Variants in NWD2 observed in about 807,000 individuals in gnomAD.
NWD2 encodes NACHT and WD repeat domain-containing protein 2.
NWD2 carries 37 observed loss-of-function variants against 132.7 expected under a neutral mutation model. That is an observed-to-expected ratio of 0.28 (90% confidence interval 0.21 to 0.37). The LOEUF is 0.37. Ranked by LOEUF, NWD2 falls within the 10% of genes least tolerant of loss-of-function variation. The pLI is 1.00. For synonymous variants in NWD2, 705 were observed against 803.0 expected, an observed-to-expected ratio of 0.88 and a Z score of 2.06; for missense variants, 1,592 against 2,122.4, an observed-to-expected ratio of 0.75 and a Z score of 4.91.
At position 37,245,090 on chromosome 4, in the gene NWD2, C is replaced by T; in HGVS notation, c.23C>T (p.Thr8Ile). 2 of 1,546,438 alleles carry T rather than the reference C, an allele frequency of 1.3e-6. No homozygotes were observed. The highest frequency in any genetic ancestry group is 8.7e-7 in the Non-Finnish European group (1 of 1,146,494). The change falls in exon 1 of 7, where the codon ACC becomes ATC. Residue 8 changes from threonine (T) to isoleucine (I), a missense_variant. Physicochemically the swap from Thr to Ile is moderately conservative, Grantham distance 89. Transcript: ENST00000309447. MWPAGAG[T>I]KLPCPRDSAL... ...GCGATGTGGCCGGCCGGCGCGGGCA[C>T]CAAGCTGCCCTGTCCCCGAGACTCT...
chr4:37,333,889 A>G (rs1042373892), intron 2 of NWD2, among the ~76,000 whole-genome samples: 6 of 152,104 alleles, frequency 3.9e-5, no homozygotes, highest in African/African-American at 1.4e-4. Flanking sequence ...AATTTGAAAA[A>G]AGCAGAAATT....
chr4:37,272,622 T>G (rs1341620390), intron 1 of NWD2, among the ~76,000 whole-genome samples: 1 of 151,846 alleles, frequency 6.6e-6, no homozygotes, highest in Non-Finnish European at 1.5e-5. Context: ...TGGCATGCCC[T>G]CTATTACTGA....
At position 37,439,986 on chromosome 4, in the gene NWD2, C is replaced by T. The variant is rs780599687; in HGVS notation, c.1296+596C>T. On this transcript the variant is annotated intron_variant, in intron 6 of 6. Coordinates refer to ENST00000309447, the MANE Select transcript of NWD2 (RefSeq NM_001144990.2). The surrounding 1 kb of genome is among the most constrained non-coding windows in gnomAD (Gnocchi z 4.5). ...AGGTAAGGTGGCCAGAAAGTTATTA[C>T]GTAACCAGTGCTGTTCTGAACTGGA... is the stretch of plus-strand genomic sequence containing the variant. Among the ~76,000 whole-genome samples the T allele has an allele frequency of 2.0e-5, 3 of 152,148 alleles. No individual in the cohort carries two copies. Among genetic ancestry groups the T allele is most frequent in the Non-Finnish European group, 4.4e-5 (3 of 68,034 alleles).
chr4:37,412,178 A>G (rs1316778031), intron 3 of NWD2, among the ~76,000 whole-genome samples: 3 of 152,362 alleles, frequency 2.0e-5, no homozygotes, highest in Middle Eastern at 3.4e-3. Flanking sequence ...TCGAATAGGA[A>G]CAGAGGAAGT....
At chr4:37,284,449 G>A (rs1317047070) in intron 1 of NWD2, among the ~76,000 whole-genome samples, 3 of 152,152 alleles carry the variant, frequency 2.0e-5, no homozygotes, top group Non-Finnish European at 4.4e-5. Flanking sequence ...CCAGAGTCCA[G>A]AATATTCGAT....
intron 1 of NWD2, among the ~76,000 whole-genome samples, chr4:37,293,842 T>G (rs942769281): frequency 6.6e-6 from 1 of 151,310 alleles, no homozygotes; most frequent in Non-Finnish European, 1.5e-5. Flanking sequence ...TATGTAGTAC[T>G]GGGTAGTACT....
At chr4:37,271,746 A>G (rs1006802942) in intron 1 of NWD2, among the ~76,000 whole-genome samples, 5 of 151,794 alleles carry the variant, frequency 3.3e-5, no homozygotes, top group African/African-American at 1.2e-4. Context: ...TGATGGGCAG[A>G]CATTTTTTCC....
chr4:37,401,496 C>T (rs1720894830), intron 3 of NWD2, among the ~76,000 whole-genome samples: 1 of 152,156 alleles, frequency 6.6e-6, no homozygotes, highest in Non-Finnish European at 1.5e-5. Flanking sequence ...GCTTTGGGTA[C>T]TTCCCAGGTT....
chr4:37,298,995 C>T (rs952458769), intron 1 of NWD2, among the ~76,000 whole-genome samples: 2 of 152,108 alleles, frequency 1.3e-5, no homozygotes, highest in Admixed American at 6.6e-5. Context: ...CCAAGACAAT[C>T]TTCAGACTCA....
At chr4:37,382,969 C>G (rs1187918473) in intron 3 of NWD2, among the ~76,000 whole-genome samples, 1 of 152,060 alleles carries the variant, frequency 6.6e-6, no homozygotes, top group Non-Finnish European at 1.5e-5. Flanking sequence ...GGTGGGGTTA[C>G]TGATGTAAGC....
At chr4:37,342,272 C>T (rs1002121306) in intron 2 of NWD2, among the ~76,000 whole-genome samples, 2 of 152,088 alleles carry the variant, frequency 1.3e-5, no homozygotes, top group Non-Finnish European at 2.9e-5. Flanking sequence ...TCCTTTCTCT[C>T]TCTTGCTCCC....
At chr4:37,316,120 G>A (rs1328515593) in intron 1 of NWD2, among the ~76,000 whole-genome samples, 1 of 151,936 alleles carries the variant, frequency 6.6e-6, no homozygotes, top group Non-Finnish European at 1.5e-5. Context: ...TATGTCTAAT[G>A]TCATTTCCTT....
intron 1 of NWD2, among the ~76,000 whole-genome samples, chr4:37,245,916 CTTG>C (rs1252092765): frequency 6.6e-6 from 1 of 152,188 alleles, no homozygotes; most frequent in Non-Finnish European, 1.5e-5. Flanking sequence ...TCCATGAAAA[CTTG>C]TTGATTTCTT....
chr4:37,282,750 TGAG>T (rs1202780946), intron 1 of NWD2, among the ~76,000 whole-genome samples: 2 of 152,184 alleles, frequency 1.3e-5, no homozygotes, highest in Admixed American at 6.6e-5. Flanking sequence ...AGCTACACCA[TGAG>T]TATCCTTGGA....
intron 3 of NWD2, among the ~76,000 whole-genome samples, chr4:37,375,958 A>G (rs1382954042): frequency 6.6e-6 from 1 of 152,148 alleles, no homozygotes; most frequent in African/African-American, 2.4e-5. Context: ...CAATGATAAT[A>G]TGCTTTGAAA....
chr4:37,250,947 A>C, intron 1 of NWD2, among the ~76,000 whole-genome samples: 1 of 152,336 alleles, frequency 6.6e-6, no homozygotes, highest in South Asian at 2.1e-4. Context: ...CAGAAGGGTA[A>C]GTATTTGTGT....
intron 3 of NWD2, among the ~76,000 whole-genome samples, chr4:37,422,984 A>AT (rs200654391): frequency 0.26 from 38,503 of 148,420 alleles, 5,116 homozygotes; most frequent in Middle Eastern, 0.33. Context: ...TAGGAAATTG[A>AT]TTTTTTTTTT....
intron 3 of NWD2, among the ~76,000 whole-genome samples, chr4:37,395,588 A>AAAAAAAAAAAC: frequency 7.1e-6 from 1 of 141,300 alleles, no homozygotes; most frequent in African/African-American, 2.8e-5. Flanking sequence ...CTGTCTCAAA[A>AAAAAAAAAAAC]AAAAAAAAAA....
chr4:37,288,557 A>G (rs1453168421), intron 1 of NWD2, among the ~76,000 whole-genome samples: 5 of 152,204 alleles, frequency 3.3e-5, no homozygotes, highest in Admixed American at 6.5e-5. Context: ...TTGTCAACCT[A>G]ATTTATGTAT....
Sources: allele counts gnomAD v4.1 joint callset (sites outside exome capture counted in the v4.1 genomes callset), GRCh38; gene constraint gnomAD v4.1.1; non-coding constraint Gnocchi (gnomAD v3.1); transcripts MANE v1.5; gene names NCBI Gene and HGNC (gene_info 2026-07-23, HGNC 2026-07-21).